The following SNURF variants were observed in gnomAD, a reference collection of about 807,000 sequenced individuals.
SNURF encodes SNRPN upstream open reading frame.
Under a neutral mutation model 11.6 loss-of-function variants are expected in SNURF, and 6 were observed. The observed-to-expected ratio is 0.52, with a 90% CI of 0.28 to 1.02. The LOEUF is 1.02. Among genes scored for constraint, SNURF ranks in the 50% least tolerant of loss-of-function variants. The pLI is 0.09. For synonymous variants in SNURF, 29 were observed against 31.6 expected (o/e 0.92, Z 0.27); for missense variants, 84 against 88.4 (o/e 0.95, Z 0.20).
chr15:24,958,026 T>C (rs1322763666), intron 1 of SNURF, among the ~76,000 whole-genome samples: 13 of 152,262 alleles, frequency 8.5e-5, no homozygotes, highest in East Asian at 1.9e-4. Context: ...GAGACCCTTA[T>C]GTTGTTGTCT....
intron 1 of SNURF, among the ~76,000 whole-genome samples, chr15:24,958,003 G>A (rs572143506): frequency 4.6e-5 from 7 of 152,248 alleles, no homozygotes; most frequent in Non-Finnish European, 8.8e-5. Flanking sequence ...GCAGAGGAAG[G>A]AAGCTTGGTT....
chr15:24,963,311 C>T (rs1192703440), intron 2 of SNURF, among the ~76,000 whole-genome samples: 1 of 152,154 alleles, frequency 6.6e-6, no homozygotes, highest in Non-Finnish European at 1.5e-5. Flanking sequence ...ATGAAAAGAA[C>T]AGTCACTTTG....
chr15:24,978,469 C>G (rs112904440), downstream of SNURF: 2 of 1,607,622 alleles, frequency 1.2e-6, no homozygotes, highest in South Asian at 2.2e-5. Flanking sequence ...ATCTCAGTCA[C>G]TTTTTCCCCT....
At chr15:24,969,545 C>G (rs1228710463), downstream of SNURF, among the ~76,000 whole-genome samples, 1 of 152,176 alleles carries the variant, frequency 6.6e-6, no homozygotes, top group East Asian at 1.9e-4. Context: ...TAATCATTGT[C>G]CAAAGCTTTT....
chr15:24,956,606 G>A (rs2153378088), intron 1 of SNURF, among the ~76,000 whole-genome samples: 1 of 152,310 alleles, frequency 6.6e-6, no homozygotes, highest in Non-Finnish European at 1.5e-5. Flanking sequence ...GCAGGGGAGC[G>A]AGGGCTTACG....
At position 24,957,963 on chromosome 15, in the gene SNURF, G is replaced by A. The variant is rs190407866; in HGVS notation, c.14+2901G>A. On this transcript the variant is annotated intron_variant, in intron 1 of 2. Coordinates refer to ENST00000577949, the Ensembl canonical transcript of SNURF. ...ATTGGCTCTGTGCTAGGGCTTTTTG[G>A]AGGCAGGGAGTGGCAGCCCTTCCTG... Among the ~76,000 whole-genome samples the A allele has an allele frequency of 5.0e-3, 765 of 152,214 alleles. 2 individuals carry two copies. The highest frequency in any genetic ancestry group is 6.8e-3 in the Non-Finnish European group (461 of 68,014).
At chr15:24,970,360 A>G (rs2076245022), downstream of SNURF, among the ~76,000 whole-genome samples, 2 of 152,104 alleles carry the variant, frequency 1.3e-5, no homozygotes, top group South Asian at 4.1e-4. Context: ...CAGGTGGATC[A>G]CCTGAGGTCA....
downstream of SNURF, among the ~76,000 whole-genome samples, chr15:24,971,040 C>T (rs1331126601): frequency 6.6e-6 from 1 of 150,964 alleles, no homozygotes; most frequent in African/African-American, 2.5e-5. Context: ...TTGGCCAACC[C>T]TAGTCATCTT....
intron 2 of SNURF, among the ~76,000 whole-genome samples, chr15:24,965,426 A>G (rs890947331): frequency 5.3e-5 from 8 of 152,156 alleles, no homozygotes; most frequent in Admixed American, 1.3e-4. Context: ...AATCCCAGCT[A>G]CTCAGGAGGC....
downstream of SNURF, among the ~76,000 whole-genome samples, chr15:24,970,080 A>C (rs2076208067): frequency 6.6e-6 from 1 of 152,346 alleles, no homozygotes; most frequent in Admixed American, 6.5e-5. Context: ...ATAGAAGGTG[A>C]TAAAGAATAG....
In SNURF at chr15:24,976,513, T is replaced by C. The variant is rs577601835; in HGVS notation, c.*309+97T>C. On this transcript the variant is annotated intron_variant and NMD_transcript_variant, in intron 5 of 6. Coordinates refer to the SNURF transcript ENST00000580062. ...AGGGTAGAGCAGACACAGTTCAACATGGATTGTCAAATAAAATGTGCCAGG... is the reference window on the plus strand; with the variant it reads ...AGGGTAGAGCAGACACAGTTCAACACGGATTGTCAAATAAAATGTGCCAGG... The C allele has an allele frequency of 8.2e-6, 7 of 856,116 alleles. No individual in the cohort carries two copies. In the East Asian group the frequency reaches 1.7e-4, roughly 21 times the overall value. The allele number at this position is 856,116 out of a possible 1,614,324, so 53.0% of individuals were successfully genotyped here. A position where few individuals can be genotyped will look rare whatever the true frequency, so the allele number is the denominator to read the frequency against.
In SNURF at chr15:24,957,380, G is replaced by A. The variant is rs553847837; in HGVS notation, c.14+2318G>A. Among the ~76,000 whole-genome samples, 34 of 152,270 alleles carry A rather than the reference G, an allele frequency of 2.2e-4. 2 individuals carry two copies. The South Asian group carries it at 5.0e-3, about 22-fold the overall frequency. On this transcript the variant is annotated intron_variant, in intron 1 of 2. Transcript: ENST00000577949. ...CTTATTGGGGTGGGGTTGTGCTTTG[G>A]ATCAGTTACTGTCTTTTTTTGGATT...
chr15:24,962,272 TATC>T (rs1216193645), intron 2 of SNURF, 63 bp downstream of exon 2: 6 of 1,279,242 alleles, frequency 4.7e-6, no homozygotes, highest in South Asian at 1.2e-5. Context: ...TAGAACAAAA[TATC>T]ATGCAATGAG....
rs1242866723 is a variant in SNURF, at chr15:24,962,041, T to C, written c.15-73T>C. The C allele has an allele frequency of 1.5e-5, 19 of 1,234,852 alleles. 1 individual carries two copies. The Admixed American group carries it at 3.2e-4, about 21-fold the overall frequency. The allele number at this position is 1,234,852 out of a possible 1,614,324, so 76.5% of individuals were successfully genotyped here. A position where few individuals can be genotyped will look rare whatever the true frequency, so the allele number is the denominator to read the frequency against. ...CCATTATATTAAATGTAGTTCTAAA[T>C]ATAACCTTGACAAATAGTTATTTCA... On this transcript the variant is annotated intron_variant, in intron 1 of 2. Coordinates refer to ENST00000577949, the Ensembl canonical transcript of SNURF.
intron 1 of SNURF, among the ~76,000 whole-genome samples, chr15:24,957,163 T>G (rs1448279452): frequency 6.6e-6 from 1 of 152,220 alleles, no homozygotes; most frequent in Non-Finnish European, 1.5e-5. Context: ...TCAGTTATCC[T>G]TCTTAATCTC....
chr15:24,976,754 G>C, intron 5 of SNURF: 2 of 846,156 alleles, frequency 2.4e-6, no homozygotes, highest in Non-Finnish European at 3.8e-6. Context: ...TGTTCATTTG[G>C]ACACAGAACT....
chr15:24,969,990 T>C (rs2076196244), downstream of SNURF, among the ~76,000 whole-genome samples: 1 of 152,192 alleles, frequency 6.6e-6, no homozygotes, highest in African/African-American at 2.4e-5. Context: ...AAGAAAATAA[T>C]TGGCTGAGTT....
chr15:24,975,389 A>G, exon 4 of SNURF: 1 of 1,613,870 alleles, frequency 6.2e-7, no homozygotes, highest in Non-Finnish European at 8.5e-7. Context: ...ATGCTGCAGC[A>G]CATTGACTAT....
chr15:24,963,520 CAGG>C (rs1440224810), intron 2 of SNURF, among the ~76,000 whole-genome samples: 1 of 150,280 alleles, frequency 6.7e-6, no homozygotes, highest in African/African-American at 2.5e-5. Context: ...GAGGCTGAGG[CAGG>C]AGAATTGTTT....
Sources: allele counts gnomAD v4.1 joint callset (sites outside exome capture counted in the v4.1 genomes callset), GRCh38; gene constraint gnomAD v4.1.1; transcripts MANE v1.5; gene names NCBI Gene and HGNC (gene_info 2026-07-23, HGNC 2026-07-21).